ATP8B4: variants seen among roughly 807,000 people sequenced by gnomAD.
ATP8B4 encodes the protein probable phospholipid-transporting ATPase IM.
In ATP8B4, 133 loss-of-function variants were observed where a neutral mutation model predicts 145.6. That is an observed-to-expected ratio of 0.91 (90% CI 0.79 to 1.05). ATP8B4 has a LOEUF of 1.05. ATP8B4 is among the 50% of genes least tolerant of loss of function. The probability of loss-of-function intolerance (pLI) is 0.00; values close to 1 mark genes in which losing one functional copy is unlikely to be tolerated. For synonymous variants in ATP8B4, 507 were observed against 492.9 expected (o/e 1.03, Z -0.38); for missense variants, 1,458 against 1,425.2 (o/e 1.02, Z -0.37).
At chr15:49,884,633 AAAGTTTCCTT>A (rs2035948380) in intron 23 of ATP8B4, among the ~76,000 whole-genome samples, 1 of 142,924 alleles carries the variant, frequency 7.0e-6, no homozygotes, top group Non-Finnish European at 1.5e-5. Context: ...AAAAAAAAAG[AAAGTTTCCTT>A]GAAGGCTTTT....
At chr15:49,893,725 A>AAAGG (rs1253585247) in intron 23 of ATP8B4, among the ~76,000 whole-genome samples, 4 of 152,196 alleles carry the variant, frequency 2.6e-5, no homozygotes, top group Non-Finnish European at 5.9e-5. Context: ...TCTGTTACAT[A>AAAGG]ACAATGTGTA....
At chr15:50,102,132 C>CA (rs1456136720) in intron 2 of ATP8B4, among the ~76,000 whole-genome samples, 2 of 151,908 alleles carry the variant, frequency 1.3e-5, no homozygotes, top group African/African-American at 4.8e-5. Context: ...ATGCCTACAT[C>CA]AAAAAGTCTG....
At chr15:49,963,384 A>G (rs1478634799) in intron 13 of ATP8B4, among the ~76,000 whole-genome samples, 3 of 152,182 alleles carry the variant, frequency 2.0e-5, no homozygotes, top group Non-Finnish European at 4.4e-5. Context: ...GGCAGAAATA[A>G]CATTAGATCC....
At chr15:50,092,761 A>G (rs2055694524) in intron 2 of ATP8B4, among the ~76,000 whole-genome samples, 1 of 151,970 alleles carries the variant, frequency 6.6e-6, no homozygotes, top group Non-Finnish European at 1.5e-5. Flanking sequence ...CTGGATCCCC[A>G]TTGAGGAGAA....
intron 3 of ATP8B4, among the ~76,000 whole-genome samples, chr15:50,061,988 C>T (rs921941944): frequency 6.6e-6 from 1 of 152,182 alleles, no homozygotes. Context: ...ATGTCTAATA[C>T]TGTTATTTCA....
chr15:49,916,719 T>C (rs1193211051), intron 20 of ATP8B4, among the ~76,000 whole-genome samples: 1 of 152,240 alleles, frequency 6.6e-6, no homozygotes, highest in Admixed American at 6.5e-5. Flanking sequence ...TGAGAAATGT[T>C]GGAGGCCTGA....
At chr15:50,053,396 T>G (rs888434785) in intron 3 of ATP8B4, among the ~76,000 whole-genome samples, 1 of 152,230 alleles carries the variant, frequency 6.6e-6, no homozygotes, top group African/African-American at 2.4e-5. Flanking sequence ...CAGTTATCTC[T>G]TCTGCTTTCA....
At chr15:49,863,486 C>T (rs570364539) in intron 26 of ATP8B4, among the ~76,000 whole-genome samples, 54 of 152,268 alleles carry the variant, frequency 3.5e-4, no homozygotes, top group African/African-American at 1.2e-3. Flanking sequence ...AAACTTTTGT[C>T]CCTGTTCATT....
intron 1 of ATP8B4, among the ~76,000 whole-genome samples, chr15:50,130,412 C>G (rs2057337774): frequency 1.3e-5 from 2 of 152,254 alleles, no homozygotes; most frequent in Middle Eastern, 3.4e-3. Context: ...ATTACCCAGG[C>G]TCTGGTGAGT....
At chr15:50,010,814 A>C in intron 7 of ATP8B4, 31 bp downstream of exon 7, 8 of 1,396,752 alleles carry the variant, frequency 5.7e-6, no homozygotes, top group African/African-American at 1.5e-5. Context: ...TTAATCTGAG[A>C]TAAATTATTC....
intron 14 of ATP8B4, among the ~76,000 whole-genome samples, chr15:49,941,980 G>A (rs1284232694): frequency 1.3e-5 from 2 of 152,164 alleles, no homozygotes; most frequent in Admixed American, 6.5e-5. Context: ...ATAAGTGGAA[G>A]CTAAGCTATG....
chr15:49,917,950 C>T (rs1459968186), intron 19 of ATP8B4, among the ~76,000 whole-genome samples: 2 of 152,160 alleles, frequency 1.3e-5, no homozygotes, highest in African/African-American at 4.8e-5. Flanking sequence ...CACCGGAGTG[C>T]TCAACTTTCT....
intron 2 of ATP8B4, among the ~76,000 whole-genome samples, chr15:50,076,428 G>A (rs2054175665): frequency 6.6e-6 from 1 of 151,896 alleles, no homozygotes; most frequent in Non-Finnish European, 1.5e-5. Flanking sequence ...GGAGGTGGAG[G>A]TTGCAGTGAG....
intron 1 of ATP8B4, among the ~76,000 whole-genome samples, chr15:50,138,857 CAAAGT>C (rs1170483903): frequency 6.6e-6 from 1 of 152,076 alleles, no homozygotes; most frequent in East Asian, 1.9e-4. Flanking sequence ...TTTTTATTTC[CAAAGT>C]CAAAGTAGCA....
At chr15:50,150,611 C>T (rs1240280409) in intron 1 of ATP8B4, among the ~76,000 whole-genome samples, 2 of 152,170 alleles carry the variant, frequency 1.3e-5, no homozygotes, top group Non-Finnish European at 1.5e-5. Context: ...GAGTTTGAAG[C>T]GAAGCTCTCA....
intron 2 of ATP8B4, among the ~76,000 whole-genome samples, chr15:50,085,980 A>ATTT (rs1567331562): frequency 1.9e-4 from 4 of 20,628 alleles, no homozygotes; most frequent in East Asian, 2.0e-3. Flanking sequence ...TGATATATCA[A>ATTT]ATATATCATA....
intron 10 of ATP8B4, among the ~76,000 whole-genome samples, chr15:49,985,141 G>A (rs985320534): frequency 3.3e-5 from 5 of 150,942 alleles, no homozygotes; most frequent in African/African-American, 1.2e-4. Flanking sequence ...CTGTCACCCA[G>A]GCTGGAGTGC....
intron 2 of ATP8B4, among the ~76,000 whole-genome samples, chr15:50,075,619 C>T (rs1361803630): frequency 3.9e-5 from 6 of 152,182 alleles, no homozygotes; most frequent in Admixed American, 3.9e-4. Context: ...CAATATTGGA[C>T]TGGTGTCAAC....
intron 1 of ATP8B4, among the ~76,000 whole-genome samples, chr15:50,135,495 C>T (rs1416087973): frequency 6.6e-6 from 1 of 152,126 alleles, no homozygotes; most frequent in Non-Finnish European, 1.5e-5. Context: ...GTCATATCTG[C>T]CCGAGATCAC....
Sources: allele counts gnomAD v4.1 joint callset (sites outside exome capture counted in the v4.1 genomes callset), GRCh38; gene constraint gnomAD v4.1.1; transcripts MANE v1.5; gene names NCBI Gene and HGNC (gene_info 2026-07-23, HGNC 2026-07-21).